The following SHISA6 variants were observed in gnomAD, a reference collection of about 807,000 sequenced individuals.
The protein encoded by SHISA6 is protein shisa-6.
Under a neutral mutation model 47.9 loss-of-function variants are expected in SHISA6, and 22 were observed. That is an observed-to-expected ratio of 0.46 (90% CI 0.33 to 0.66). SHISA6 has a LOEUF of 0.66. SHISA6 is among the 30% of genes least tolerant of loss of function. The pLI is 0.02. For missense variants in SHISA6, 680 were observed against 764.6 expected, an observed-to-expected ratio of 0.89 and a Z score of 1.30; for synonymous variants, 388 against 337.8, an observed-to-expected ratio of 1.15 and a Z score of -1.63.
At chr17:11,370,833 T>C (rs1003245358) in intron 2 of SHISA6, among the ~76,000 whole-genome samples, 14 of 152,316 alleles carry the variant, frequency 9.2e-5, no homozygotes, top group African/African-American at 3.1e-4. Flanking sequence ...CCCTGAATGG[T>C]TCTGACAAGC....
intron 2 of SHISA6, among the ~76,000 whole-genome samples, chr17:11,316,581 C>T (rs1016227195): frequency 5.3e-5 from 8 of 151,826 alleles, no homozygotes; most frequent in Middle Eastern, 6.8e-3. Flanking sequence ...CCACCACGCC[C>T]GGCTAATTTT....
At chr17:11,316,853 T>G (rs763878847) in intron 2 of SHISA6, among the ~76,000 whole-genome samples, 6 of 152,220 alleles carry the variant, frequency 3.9e-5, no homozygotes, top group Non-Finnish European at 8.8e-5. Flanking sequence ...GGAGTTTGTT[T>G]TATTATTTTT....
In SHISA6 at chr17:11,304,916, G is replaced by C. The variant is rs112053762; in HGVS notation, c.799+41390G>C. ...CTGGTTGGTCAAAGAGGACCAAAGA[G>C]AAGCAGAAGCAGTGCTGTGATAGTT... On this transcript the variant is annotated intron_variant, in intron 2 of 5. Coordinates refer to ENST00000441885, the MANE Select transcript of SHISA6 (RefSeq NM_207386.4). Among the ~76,000 whole-genome samples the C allele has an allele frequency of 1.3e-3, 204 of 152,330 alleles. 1 individual carries two copies. Among genetic ancestry groups the C allele is most frequent in the African/African-American group, 4.4e-3 (184 of 41,576 alleles).
rs374463524 is a variant in SHISA6, at chr17:11,483,560, T to C, written c.896-68336T>C. Reference sequence around the variant, plus strand: ...AAAACACCAGGTGACACAAATATAATATAAAGCAGTGTTGCACAGAATTCA... The same window carrying C: ...AAAACACCAGGTGACACAAATATAACATAAAGCAGTGTTGCACAGAATTCA... On this transcript the variant is annotated intron_variant, in intron 3 of 5. Transcript: ENST00000441885. Among the ~76,000 whole-genome samples the C allele has an allele frequency of 5.3e-5, 8 of 152,188 alleles. No homozygotes were observed. In the East Asian group the frequency reaches 1.5e-3, roughly 29 times the overall value.
At chr17:11,311,260 A>G in intron 2 of SHISA6, among the ~76,000 whole-genome samples, 1 of 140,704 alleles carries the variant, frequency 7.1e-6, no homozygotes, top group South Asian at 2.5e-4. Flanking sequence ...CTAGCCTGGG[A>G]GGCAGAGCAA....
chr17:11,423,368 T>TAG (rs1914515622), intron 3 of SHISA6, among the ~76,000 whole-genome samples: 3 of 150,434 alleles, frequency 2.0e-5, no homozygotes, highest in South Asian at 2.1e-4. Context: ...GATAGATAGA[T>TAG]ATATGCATGC....
intron 3 of SHISA6, among the ~76,000 whole-genome samples, chr17:11,496,785 G>A (rs375630418): frequency 4.6e-5 from 7 of 152,006 alleles, no homozygotes; most frequent in African/African-American, 1.7e-4. Flanking sequence ...AGTGGGATAG[G>A]TAGGAAACAA....
At chr17:11,276,984 A>T (rs116714865) in intron 2 of SHISA6, among the ~76,000 whole-genome samples, 1,672 of 152,224 alleles carry the variant, frequency 0.011, 35 homozygotes, top group African/African-American at 0.038. Flanking sequence ...GATTGTATGG[A>T]GGGTACGAGG....
At chr17:11,379,365 A>G (rs892041851) in intron 2 of SHISA6, 49 bp from the exon 3 acceptor site, 3 of 1,340,176 alleles carry the variant, frequency 2.2e-6, no homozygotes, top group Non-Finnish European at 3.1e-6. Context: ...CTTGTCTTCC[A>G]TGTTGGTGTC....
chr17:11,242,725 C>T (rs530484820), intron 1 of SHISA6, among the ~76,000 whole-genome samples: 1 of 152,276 alleles, frequency 6.6e-6, no homozygotes, highest in East Asian at 1.9e-4. Context: ...ACAGTACTCG[C>T]CTGTGTTAAA....
At chr17:11,520,499 ATTC>A (rs2071620666) in intron 3 of SHISA6, among the ~76,000 whole-genome samples, 2 of 152,092 alleles carry the variant, frequency 1.3e-5, no homozygotes, top group East Asian at 3.9e-4. Context: ...GTCTTGAATG[ATTC>A]TTCTTCTTCA....
At chr17:11,518,793 C>T (rs1226495714) in intron 3 of SHISA6, among the ~76,000 whole-genome samples, 1 of 152,138 alleles carries the variant, frequency 6.6e-6, no homozygotes, top group Non-Finnish European at 1.5e-5. Flanking sequence ...TGACGTGCAG[C>T]CAAGACAGAG....
chr17:11,362,935 C>T (rs557720249), intron 2 of SHISA6, among the ~76,000 whole-genome samples: 2 of 152,310 alleles, frequency 1.3e-5, no homozygotes, highest in African/African-American at 4.8e-5. Flanking sequence ...GAACCTTAAA[C>T]TCCTTGTCAA....
intron 3 of SHISA6, among the ~76,000 whole-genome samples, chr17:11,506,060 A>T (rs1179955405): frequency 6.6e-6 from 1 of 152,006 alleles, no homozygotes; most frequent in Non-Finnish European, 1.5e-5. Flanking sequence ...GCAGATTTCC[A>T]CTGAAATAGG....
intron 3 of SHISA6, among the ~76,000 whole-genome samples, chr17:11,500,585 C>T (rs2071442873): frequency 6.6e-6 from 1 of 152,218 alleles, no homozygotes; most frequent in Non-Finnish European, 1.5e-5. Context: ...CCATAGTTTT[C>T]CTGGTTTGTT....
At chr17:11,431,596 CCTT>C (rs1914776475) in intron 3 of SHISA6, among the ~76,000 whole-genome samples, 1 of 152,176 alleles carries the variant, frequency 6.6e-6, no homozygotes, top group South Asian at 2.1e-4. Context: ...CAGATCCATT[CCTT>C]CTTCAAACTT....
chr17:11,492,606 G>A (rs941629935), intron 3 of SHISA6, among the ~76,000 whole-genome samples: 9 of 152,130 alleles, frequency 5.9e-5, no homozygotes, highest in African/African-American at 1.9e-4. Context: ...ACATCATGGT[G>A]CATGGTGAGG....
chr17:11,554,309 C>A (rs2071956567), intron 4 of SHISA6, among the ~76,000 whole-genome samples: 1 of 152,114 alleles, frequency 6.6e-6, no homozygotes. Flanking sequence ...CACCCTCCAC[C>A]CCCTCACATA....
intron 3 of SHISA6, among the ~76,000 whole-genome samples, chr17:11,383,373 T>C (rs983094143): frequency 1.3e-5 from 2 of 152,154 alleles, no homozygotes; most frequent in African/African-American, 4.8e-5. Context: ...ACAAGATCCA[T>C]AGTTCATGGG....
Sources: gnomAD v4.1 joint callset for allele counts (sites outside exome capture counted in the v4.1 genomes callset) on GRCh38, gnomAD v4.1.1 for gene constraint, MANE v1.5 for transcripts, NCBI Gene and HGNC (gene_info 2026-07-23, HGNC 2026-07-21) for gene names.